INO80D: variants seen among roughly 807,000 people sequenced by gnomAD.
INO80D encodes the protein INO80 complex subunit D.
In INO80D, 21 loss-of-function variants were observed where a neutral mutation model predicts 87.6. That is an observed-to-expected ratio of 0.24 (90% CI 0.17 to 0.35). The LOEUF is 0.35. Ranked by LOEUF, INO80D falls within the 10% of genes least tolerant of loss-of-function variation. The pLI, the probability that INO80D is intolerant of heterozygous loss-of-function variation, is 1.00. For missense variants in INO80D, 982 were observed against 1,280.7 expected, an observed-to-expected ratio of 0.77 and a Z score of 3.56; for synonymous variants, 440 against 491.0, an observed-to-expected ratio of 0.90 and a Z score of 1.37.
intron 7 of INO80D, among the ~76,000 whole-genome samples, chr2:206,019,525 T>C (rs942539539): frequency 2.0e-5 from 3 of 152,242 alleles, no homozygotes; most frequent in Non-Finnish European, 2.9e-5. Flanking sequence ...GAACCTGCTA[T>C]TTGCTATCAA....
At position 205,997,550 on chromosome 2, in the gene INO80D, A is replaced by C. The variant is rs915469881; in HGVS notation, c.*6818T>G. On this transcript the variant is annotated 3_prime_UTR_variant, in exon 11 of 11. Transcript: ENST00000403263. ...TATAAAGAAATCTATAATTAACATA[A>C]AAAAGATTCAATAGATCTGTGGTCC... The C allele has an allele frequency of 6.6e-5, 10 of 152,242 alleles. No homozygotes were observed. The highest frequency in any genetic ancestry group is 2.4e-4 in the African/African-American group (10 of 41,562). The allele number at this position is 152,242 out of a possible 1,614,324, so 9.4% of individuals were successfully genotyped here. A position where few individuals can be genotyped will look rare whatever the true frequency, so the allele number is the denominator to read the frequency against.
Position 206,009,704 on chromosome 2 carries a change from T to C in INO80D, c.1633A>G (p.Lys545Glu). 1.2e-6 allele frequency: 2 copies of C among 1,614,006 alleles called. No homozygotes were observed. The highest frequency in any genetic ancestry group is 1.7e-6 in the Non-Finnish European group (2 of 1,179,894). Residue 545 changes from lysine (K) to glutamate (E), a missense_variant, in exon 9 of 11, where the codon AAA (lysine) becomes GAA (glutamate). Transcript: ENST00000403263. ...CGCCTTCTCTTCTTCTTGTGTTTTT[T>C]GGTTAGTGCAGGAGGCTTGGTTTTT... Reference protein sequence around the residue: ...RKKTKPPALTKKHKKKRRRGP... With the variant: ...RKKTKPPALTEKHKKKRRRGP...
Position 205,994,163 on chromosome 2 carries a change from T to A in INO80D, c.*10205A>T, listed in dbSNP as rs1393835277. The A allele has an allele frequency of 6.6e-6, 1 of 152,194 alleles. No homozygotes were observed. Among genetic ancestry groups the A allele is most frequent in the South Asian group, 2.1e-4 (1 of 4,824 alleles). The allele number at this position is 152,194 out of a possible 1,614,324, so 9.4% of individuals were successfully genotyped here. ...CTCCTCATCTTGCTCCTACAGTCTG[T>A]GCAGAAACAAGTGGCTCCTAACTTT... On this transcript the variant is annotated 3_prime_UTR_variant, in exon 11 of 11. Coordinates refer to ENST00000403263, the MANE Select transcript of INO80D (RefSeq NM_017759.5).
chr2:206,053,916 T>G (rs1689441037), intron 4 of INO80D, among the ~76,000 whole-genome samples: 2 of 151,922 alleles, frequency 1.3e-5, no homozygotes, highest in African/African-American at 4.8e-5. Flanking sequence ...CTCCGCTCAC[T>G]GCAACCTCCG....
Position 206,002,027 on chromosome 2 carries a change from G to C in INO80D, c.*2341C>G, listed in dbSNP as rs768024185. 1.6e-4 allele frequency: 25 copies of C among 152,272 alleles called. No individual in the cohort carries two copies. Among genetic ancestry groups the C allele is most frequent in the Non-Finnish European group, 2.2e-4 (15 of 68,016 alleles). 9.4% of individuals were successfully genotyped at this position (152,272 alleles called of 1,614,324 possible). A position where few individuals can be genotyped will look rare whatever the true frequency, so the allele number is the denominator to read the frequency against. ...GAAGAATTTCAAGCAGCTAACATGA[G>C]GGGACAAGTAGACAGAAAAAGTTCA... On this transcript the variant is annotated 3_prime_UTR_variant, in exon 11 of 11. Transcript: ENST00000403263.
At position 206,004,371 on chromosome 2, in the gene INO80D, G is replaced by T. The variant is rs922603189; in HGVS notation, c.3081C>A (p.Asn1027Lys). The T allele has an allele frequency of 6.3e-7, 1 of 1,587,468 alleles. No individual in the cohort carries two copies. Among genetic ancestry groups the T allele is most frequent in the Non-Finnish European group, 8.6e-7 (1 of 1,166,468 alleles). The change falls in exon 11 of 11, where the codon AAC becomes AAA. Residue 1027 changes from asparagine (N) to lysine (K), a missense_variant. By Grantham distance (94) the Asn-to-Lys change is moderately conservative. Coordinates refer to ENST00000403263, the MANE Select transcript of INO80D (RefSeq NM_017759.5). The surrounding 1 kb of genome is among the most constrained non-coding windows in gnomAD (Gnocchi z 4.9). Reference sequence around the variant, plus strand: ...GCCTGCAAACACACAGACACCCTCAGTTAGGGGAGGGAAAGGGAGAAGATG... The same window carrying T: ...GCCTGCAAACACACAGACACCCTCATTTAGGGGAGGGAAAGGGAGAAGATG... ...NNASSPFPSP[N>K]
rs1223317391 is a variant in INO80D at position 206,000,145 on chromosome 2, C to T, written c.*4223G>A. The T allele has an allele frequency of 1.3e-5, 2 of 151,678 alleles. No homozygotes were observed. The highest frequency in any genetic ancestry group is 4.8e-5 in the African/African-American group (2 of 41,250). The allele number at this position is 151,678 out of a possible 1,614,324, so 9.4% of individuals were successfully genotyped here. On this transcript the variant is annotated 3_prime_UTR_variant, in exon 11 of 11. Transcript: ENST00000403263. The stretch of plus-strand genomic sequence containing the variant: ...AGAGTTCTGTTGACCATTTAGAAGA[C>T]CATAATATTAGATTTCTATATATAC...
At chr2:206,034,539 A>T (rs1269427685) in intron 5 of INO80D, among the ~76,000 whole-genome samples, 3 of 152,206 alleles carry the variant, frequency 2.0e-5, no homozygotes, top group African/African-American at 7.2e-5. Context: ...GACAAAATCC[A>T]GCACCTCTTT....
intron 9 of INO80D, among the ~76,000 whole-genome samples, chr2:206,009,218 G>A (rs570457367): frequency 6.6e-6 from 1 of 152,188 alleles, no homozygotes; most frequent in South Asian, 2.1e-4. Context: ...TGAGGCAGAA[G>A]AATCGCTTGA....
Position 206,061,861 on chromosome 2 carries a change from T to C in INO80D, c.218+938A>G, listed in dbSNP as rs114332989. 3.1e-4 allele frequency among the ~76,000 whole-genome samples: 47 copies of C among 152,330 alleles called. 1 individual carries two copies. The highest frequency in any genetic ancestry group is 9.2e-4 in the Admixed American group (14 of 15,290). On this transcript the variant is annotated intron_variant, in intron 3 of 10. Transcript: ENST00000403263. ...TGAAGGTTGTGTGTGTGTTTTAAGATAGAAGTGAAAGGTTCAAATTTTCTA... is the reference window on the plus strand; with the variant it reads ...TGAAGGTTGTGTGTGTGTTTTAAGACAGAAGTGAAAGGTTCAAATTTTCTA...
chr2:206,047,183 G>C (rs553608671), intron 4 of INO80D, among the ~76,000 whole-genome samples: 1 of 152,196 alleles, frequency 6.6e-6, no homozygotes, highest in Non-Finnish European at 1.5e-5. Flanking sequence ...AACAACACAA[G>C]TAAAGAGAGA....
chr2:206,022,759 G>T (rs1181683534), intron 6 of INO80D, among the ~76,000 whole-genome samples: 1 of 152,046 alleles, frequency 6.6e-6, no homozygotes, highest in African/African-American at 2.4e-5. Flanking sequence ...TGTCACCCAG[G>T]CTGGAGTGCA....
At position 206,007,275 on chromosome 2, in the gene INO80D, T is replaced by G. The variant is rs1174330092; in HGVS notation, c.1918+9A>C. On this transcript the variant is annotated intron_variant, in intron 10 of 10. Coordinates refer to ENST00000403263, the MANE Select transcript of INO80D (RefSeq NM_017759.5). ...AACCAGTTTCCTTGAGTCAAAATAT[T>G]GACTATACCTTCAAAAAAATCAAAA... is the stretch of plus-strand genomic sequence containing the variant. 1 of 1,607,516 alleles carries G rather than the reference T, an allele frequency of 6.2e-7. No individual in the cohort carries two copies. Among genetic ancestry groups the G allele is most frequent in the African/African-American group, 1.3e-5 (1 of 74,492 alleles).
At position 205,994,874 on chromosome 2, in the gene INO80D, C is replaced by CAAAAAAAA. The variant is rs11306784; in HGVS notation, c.*9486_*9493dup. 1.0e-5 allele frequency: 1 copy of CAAAAAAAA among 98,368 alleles called. No homozygotes were observed. Among genetic ancestry groups the CAAAAAAAA allele is most frequent in the Non-Finnish European group, 2.0e-5 (1 of 49,516 alleles). The allele number at this position is 98,368 out of a possible 1,614,324, so 6.1% of individuals were successfully genotyped here. A position where few individuals can be genotyped will look rare whatever the true frequency, so the allele number is the denominator to read the frequency against. ...TCAAGCACATGCAACTTGGAACTCGCAAAAAAAAAAAAAAAAGAAAGAAAG... is the reference window on the plus strand; with the variant it reads ...TCAAGCACATGCAACTTGGAACTCGCAAAAAAAAAAAAAAAAAAAAAAAAGAAAGAAAG... On this transcript the variant is annotated 3_prime_UTR_variant, in exon 11 of 11. Transcript: ENST00000403263.
In INO80D at chr2:205,998,878, TCAATACTATA is replaced by T. The variant is rs1272911174; in HGVS notation, c.*5480_*5489del. 1.1e-4 allele frequency: 16 copies of T among 152,186 alleles called. No individual in the cohort carries two copies. Among genetic ancestry groups the T allele is most frequent in the African/African-American group, 3.9e-4 (16 of 41,444 alleles). The allele number at this position is 152,186 out of a possible 1,614,324, so 9.4% of individuals were successfully genotyped here. On this transcript the variant is annotated 3_prime_UTR_variant, in exon 11 of 11. Transcript: ENST00000403263. ...TCCACAAGGAATCCCTGAGACATAC[TCAATACTATA>T]CAGTGAAAAGAACTATCACTGTTGA...
rs1433923597 is a variant in INO80D at position 206,063,180 on chromosome 2, T to A, written c.-59A>T. ...TTTTAAATCTTCTGCACCATAGCAATGTTAAGAGAACCCCCAAGGATACCA... is the reference window on the plus strand; with the variant it reads ...TTTTAAATCTTCTGCACCATAGCAAAGTTAAGAGAACCCCCAAGGATACCA... On this transcript the variant is annotated 5_prime_UTR_variant, in exon 2 of 11. Transcript: ENST00000403263. 9.6e-6 allele frequency: 6 copies of A among 627,476 alleles called. No homozygotes were observed. The East Asian group carries it at 1.7e-4, about 18-fold the overall frequency. 38.9% of individuals were successfully genotyped at this position (627,476 alleles called of 1,614,324 possible). A position where few individuals can be genotyped will look rare whatever the true frequency, so the allele number is the denominator to read the frequency against.
intron 4 of INO80D, among the ~76,000 whole-genome samples, chr2:206,050,995 T>C (rs954615997): frequency 2.7e-5 from 4 of 146,360 alleles, no homozygotes; most frequent in African/African-American, 9.7e-5. Context: ...ATTTCTTAGA[T>C]CTCTGCCTCA....
At chr2:206,073,866 T>TTTTTTG (rs979173425) in intron 1 of INO80D, among the ~76,000 whole-genome samples, 5 of 152,082 alleles carry the variant, frequency 3.3e-5, no homozygotes, top group Non-Finnish European at 7.4e-5. Flanking sequence ...AGCACTATCT[T>TTTTTTG]TTTTTGTTTT....
intron 5 of INO80D, among the ~76,000 whole-genome samples, chr2:206,036,531 A>G (rs941018331): frequency 6.6e-6 from 1 of 152,166 alleles, no homozygotes; most frequent in Non-Finnish European, 1.5e-5. Flanking sequence ...GAGCTAAGCT[A>G]TGAGGACCCA....
Sources: gnomAD v4.1 joint callset for allele counts (sites outside exome capture counted in the v4.1 genomes callset) on GRCh38, gnomAD v4.1.1 for gene constraint, Gnocchi (gnomAD v3.1) non-coding constraint, MANE v1.5 for transcripts, NCBI Gene and HGNC (gene_info 2026-07-23, HGNC 2026-07-21) for gene names.